The following DIAPH2 variants were observed in gnomAD, a reference collection of about 807,000 sequenced individuals.
The protein encoded by DIAPH2 is protein diaphanous homolog 2.
In DIAPH2, 35 loss-of-function variants were observed where a neutral mutation model predicts 92.7. That is an observed-to-expected ratio of 0.38 (90% CI 0.29 to 0.50). The LOEUF is 0.50. DIAPH2 is among the 20% of genes least tolerant of loss of function. The pLI, the probability that DIAPH2 is intolerant of heterozygous loss-of-function variation, is 0.94. For missense variants in DIAPH2, 701 were observed against 819.5 expected (o/e 0.86, Z 1.77); for synonymous variants, 301 against 280.4 (o/e 1.07, Z -0.73).
chrX:97,006,475 A>G (rs1057236346), intron 17 of DIAPH2, among the ~76,000 whole-genome samples: 11 of 112,116 alleles, frequency 9.8e-5, no homozygotes, highest in African/African-American at 3.6e-4. Context: ...TTGGCTGCAT[A>G]TATATTTTGA....
At chrX:96,861,853 G>A (rs947873787) in intron 4 of DIAPH2, among the ~76,000 whole-genome samples, 3 of 111,414 alleles carry the variant, frequency 2.7e-5, no homozygotes, top group East Asian at 2.8e-4. Context: ...CAGCCATACC[G>A]AACTTCTTCC....
chrX:97,515,235 G>A (rs757370125), intron 26 of DIAPH2, among the ~76,000 whole-genome samples: 3 of 112,599 alleles, frequency 2.7e-5, no homozygotes, highest in Non-Finnish European at 3.8e-5. Flanking sequence ...TAAGCCCGTC[G>A]GAAAAGCGCA....
At chrX:97,174,091 A>C (rs2147455939) in intron 22 of DIAPH2, among the ~76,000 whole-genome samples, 1 of 105,593 alleles carries the variant, frequency 9.5e-6, no homozygotes. Context: ...ATAATATATA[A>C]AATTGTTATA....
At chrX:97,445,527 C>T (rs2070301300) in intron 26 of DIAPH2, among the ~76,000 whole-genome samples, 1 of 110,482 alleles carries the variant, frequency 9.1e-6, no homozygotes, top group African/African-American at 3.3e-5. Context: ...AAGAGATTCT[C>T]GTGTCACAGT....
At chrX:96,920,362 T>TGTTTGTACTTCTCTTCGAAA (rs2065534139) in intron 9 of DIAPH2, among the ~76,000 whole-genome samples, 3 of 111,998 alleles carry the variant, frequency 2.7e-5, no homozygotes, top group African/African-American at 9.7e-5. Context: ...TATATGTGTA[T>TGTTTGTACTTCTCTTCGAAA]GTTTGTACTT....
At chrX:96,833,191 G>A (rs2064866812) in intron 4 of DIAPH2, among the ~76,000 whole-genome samples, 1 of 111,358 alleles carries the variant, frequency 9.0e-6, no homozygotes, top group Admixed American at 9.6e-5. Context: ...TCTAAAGTAT[G>A]TGGAATGGTA....
chrX:97,578,946 T>A (rs1277596582), intron 26 of DIAPH2, among the ~76,000 whole-genome samples: 1 of 67,221 alleles, frequency 1.5e-5, no homozygotes, highest in African/African-American at 5.1e-5. Context: ...TTTTCATGTG[T>A]TTTTTGGCTG....
At chrX:97,031,548 T>C (rs2066374635) in intron 17 of DIAPH2, among the ~76,000 whole-genome samples, 1 of 111,654 alleles carries the variant, frequency 9.0e-6, no homozygotes, top group South Asian at 3.7e-4. Flanking sequence ...GTTAACAGTA[T>C]GTTAATTGCA....
intron 1 of DIAPH2, among the ~76,000 whole-genome samples, 179 bp from the exon 2 acceptor site, chrX:96,735,579 A>T (rs2064081696): frequency 8.9e-6 from 1 of 112,053 alleles, no homozygotes; most frequent in South Asian, 3.7e-4. Context: ...CTTCATTTTT[A>T]ATCATTAAAA....
At chrX:96,728,968 T>A (rs1214036082) in intron 1 of DIAPH2, among the ~76,000 whole-genome samples, 1 of 112,410 alleles carries the variant, frequency 8.9e-6, no homozygotes, top group Non-Finnish European at 1.9e-5. Flanking sequence ...CCTGATGACA[T>A]GTGCCCAAGG....
At chrX:97,276,987 T>C (rs2068456841) in intron 23 of DIAPH2, among the ~76,000 whole-genome samples, 1 of 112,523 alleles carries the variant, frequency 8.9e-6, no homozygotes, top group Non-Finnish European at 1.9e-5. Flanking sequence ...TAGTCAATGT[T>C]AGATACTTTA....
At position 97,600,476 on chromosome X, in the gene DIAPH2, C is replaced by A. The variant is rs2071586588; in HGVS notation, c.*1159C>A. On this transcript the variant is annotated 3_prime_UTR_variant, in exon 27 of 27. Transcript: ENST00000324765. ...GCTACAATAATTCCAACTAAGTGAACTTCTCAATTATCATCATACTTACTT... is the reference window on the plus strand; with the variant it reads ...GCTACAATAATTCCAACTAAGTGAAATTCTCAATTATCATCATACTTACTT... 1 of 103,328 alleles carries A rather than the reference C, an allele frequency of 9.7e-6. No individual in the cohort carries two copies. Among genetic ancestry groups the A allele is most frequent in the South Asian group, 3.7e-4 (1 of 2,668 alleles). The allele number at this position is 103,328 out of a possible 1,213,427, so 8.5% of individuals were successfully genotyped here. A position where few individuals can be genotyped will look rare whatever the true frequency, so the allele number is the denominator to read the frequency against.
chrX:97,250,037 C>T (rs1426814123), intron 23 of DIAPH2, among the ~76,000 whole-genome samples: 1 of 110,665 alleles, frequency 9.0e-6, no homozygotes, highest in East Asian at 2.8e-4. Flanking sequence ...GCAGAGGTTG[C>T]GGTGAGCCGA....
chrX:97,382,944 T>C (rs1047450700), intron 24 of DIAPH2, among the ~76,000 whole-genome samples: 3 of 112,178 alleles, frequency 2.7e-5, no homozygotes, highest in African/African-American at 9.7e-5. Flanking sequence ...AGCTTGTACA[T>C]GCTATGAAGT....
intron 4 of DIAPH2, among the ~76,000 whole-genome samples, chrX:96,788,036 T>G (rs2064471877): frequency 9.1e-6 from 1 of 110,238 alleles, no homozygotes; most frequent in African/African-American, 3.3e-5. Context: ...AAGGATATTT[T>G]ACACTAGTTT....
At chrX:97,420,176 C>T (rs751520210) in intron 25 of DIAPH2, among the ~76,000 whole-genome samples, 5 of 111,741 alleles carry the variant, frequency 4.5e-5, no homozygotes, top group Non-Finnish European at 7.5e-5. Flanking sequence ...CATTTGCTAT[C>T]AAACTCTCTC....
At chrX:97,405,130 C>A (rs146291394) in intron 25 of DIAPH2, among the ~76,000 whole-genome samples, 100 of 111,646 alleles carry the variant, frequency 9.0e-4, no homozygotes, top group African/African-American at 3.3e-3. Flanking sequence ...TCTATAAAGG[C>A]TTGACATTCA....
At chrX:97,485,951 CA>C (rs1343648675) in intron 26 of DIAPH2, among the ~76,000 whole-genome samples, 4 of 108,186 alleles carry the variant, frequency 3.7e-5, no homozygotes, top group African/African-American at 6.7e-5. Flanking sequence ...CCCACTTCTA[CA>C]AAAAAGTCTT....
At chrX:97,515,091 G>A (rs2070932246) in intron 26 of DIAPH2, among the ~76,000 whole-genome samples, 1 of 112,043 alleles carries the variant, frequency 8.9e-6, no homozygotes, top group South Asian at 3.8e-4. Context: ...GGGCAATGGT[G>A]GGCGCCCCTC....
Sources: allele counts gnomAD v4.1 joint callset (sites outside exome capture counted in the v4.1 genomes callset), GRCh38; gene constraint gnomAD v4.1.1; transcripts MANE v1.5; gene names NCBI Gene and HGNC (gene_info 2026-07-23, HGNC 2026-07-21).